The following CAMK2D variants were observed in gnomAD, a reference collection of about 807,000 sequenced individuals.
CAMK2D encodes the protein calcium/calmodulin-dependent protein kinase type II subunit delta.
Under a neutral mutation model 84.0 loss-of-function variants are expected in CAMK2D, and 37 were observed. The observed-to-expected ratio is 0.44, with a 90% CI of 0.34 to 0.58. The LOEUF (loss-of-function observed/expected upper bound fraction) is 0.58, where lower values mean the gene tolerates loss of function less well. Ranked by LOEUF, CAMK2D falls within the 20% of genes least tolerant of loss-of-function variation. The pLI is 0.02. For synonymous variants in CAMK2D, 202 were observed against 212.5 expected (o/e 0.95, Z 0.43); for missense variants, 448 against 652.5 (o/e 0.69, Z 3.41).
intron 16 of CAMK2D, among the ~76,000 whole-genome samples, chr4:113,485,936 T>C (rs2154133171): frequency 6.6e-6 from 1 of 152,330 alleles, no homozygotes; most frequent in Non-Finnish European, 1.5e-5. Context: ...CTCTCGCACC[T>C]TCTTCACCTG....
intron 16 of CAMK2D, among the ~76,000 whole-genome samples, chr4:113,495,066 G>T (rs1221727931): frequency 6.6e-6 from 1 of 152,154 alleles, no homozygotes; most frequent in Non-Finnish European, 1.5e-5. Flanking sequence ...GATGAACCCG[G>T]TACCTCAGAT....
At chr4:113,619,234 T>TAC in intron 3 of CAMK2D, among the ~76,000 whole-genome samples, 1 of 151,628 alleles carries the variant, frequency 6.6e-6, no homozygotes, top group South Asian at 2.1e-4. Context: ...CATACATATA[T>TAC]AGAAAATCTG....
intron 18 of CAMK2D, among the ~76,000 whole-genome samples, chr4:113,459,200 T>C (rs1397883674): frequency 6.6e-6 from 1 of 152,160 alleles, no homozygotes; most frequent in African/African-American, 2.4e-5. Flanking sequence ...TAAAAATTTT[T>C]TCCTCCTATT....
chr4:113,717,856 A>G (rs996316574), intron 2 of CAMK2D, among the ~76,000 whole-genome samples: 2 of 152,142 alleles, frequency 1.3e-5, no homozygotes, highest in Non-Finnish European at 2.9e-5. Context: ...TATAGACCTA[A>G]GAGTATAACC....
intron 3 of CAMK2D, among the ~76,000 whole-genome samples, chr4:113,658,650 A>G (rs1670064383): frequency 6.6e-6 from 1 of 152,164 alleles, no homozygotes; most frequent in Non-Finnish European, 1.5e-5. Context: ...TGCAAGCTCC[A>G]TGAGGGCAGG....
At chr4:113,723,635 T>C (rs1433420004) in intron 2 of CAMK2D, among the ~76,000 whole-genome samples, 1 of 151,656 alleles carries the variant, frequency 6.6e-6, no homozygotes, top group East Asian at 1.9e-4. Flanking sequence ...TTGAAAATTA[T>C]AAGCAATTAA....
At chr4:113,480,338 A>G (rs957990641) in intron 16 of CAMK2D, among the ~76,000 whole-genome samples, 6 of 152,166 alleles carry the variant, frequency 3.9e-5, no homozygotes, top group African/African-American at 1.4e-4. Context: ...TGCATATTCA[A>G]TGGAGAGCTG....
chr4:113,714,723 C>A (rs2099508232), intron 2 of CAMK2D, among the ~76,000 whole-genome samples: 1 of 152,104 alleles, frequency 6.6e-6, no homozygotes, highest in African/African-American at 2.4e-5. Context: ...CTTTGTTCCA[C>A]ATAGTATGTA....
intron 4 of CAMK2D, among the ~76,000 whole-genome samples, chr4:113,576,649 G>T (rs2098784099): frequency 1.3e-5 from 2 of 151,860 alleles, no homozygotes; most frequent in African/African-American, 4.8e-5. Flanking sequence ...AAAATTAATA[G>T]AAAAAACAAA....
At chr4:113,675,770 A>G (rs1210656792) in intron 2 of CAMK2D, among the ~76,000 whole-genome samples, 2 of 152,220 alleles carry the variant, frequency 1.3e-5, no homozygotes, top group Admixed American at 1.3e-4. Flanking sequence ...ATTAAAAATA[A>G]TAACACCTTC....
Position 113,609,169 on chromosome 4 carries a change from G to T in CAMK2D, c.258C>A (p.His86Gln). The T allele has an allele frequency of 6.3e-7, 1 of 1,585,196 alleles. No individual in the cohort carries two copies. Among genetic ancestry groups the T allele is most frequent in the Non-Finnish European group, 8.7e-7 (1 of 1,153,908 alleles). Residue 86 changes from histidine (H) to glutamine (Q), a missense_variant, in exon 4 of 21, where the codon CAC (histidine) becomes CAA (glutamine). Around this residue, in one of 7 missense-constraint regions of CAMK2D, gnomAD observed 46 missense variants for 46.3 expected, o/e 0.99. Coordinates refer to ENST00000511664, the MANE Select transcript of CAMK2D (RefSeq NM_001321571.2). ...ATACTTACAAATCAAACACCAAGTA[G>T]TGAAAGCCCTCTTCTGATATGCTAT... ...LHDSISEEGF[H>Q]YLVFDLVTGG...
chr4:113,457,433 C>T lies in CAMK2D; in HGVS notation c.1437G>A (p.Lys479=), dbSNP rs182748214. 2 of 1,613,878 alleles carry T rather than the reference C, an allele frequency of 1.2e-6. No individual in the cohort carries two copies. Among genetic ancestry groups the T allele is most frequent in the Non-Finnish European group, 1.7e-6 (2 of 1,179,812 alleles). ...CACGAGTCTCTTCTGACTGCATTGTCTTTGGCATTCCACTGCCATCCATGT... is the reference window on the plus strand; with the variant it reads ...CACGAGTCTCTTCTGACTGCATTGTTTTTGGCATTCCACTGCCATCCATGT... ...TQYMDGSGMP[K]TMQSEETRVW... Residue 479 remains lysine (K), a synonymous_variant, in exon 19 of 21, where the codon AAG becomes AAA. Transcript: ENST00000511664.
At chr4:113,690,467 T>C (rs1321810956) in intron 2 of CAMK2D, among the ~76,000 whole-genome samples, 1 of 152,174 alleles carries the variant, frequency 6.6e-6, no homozygotes, top group Non-Finnish European at 1.5e-5. Flanking sequence ...AGCAGATGTG[T>C]TCCTACACTG....
At chr4:113,754,884 T>C in intron 2 of CAMK2D, 2 of 983,470 alleles carry the variant, frequency 2.0e-6, no homozygotes, top group Non-Finnish European at 2.4e-6. Flanking sequence ...AGATTCTATG[T>C]ACAAATATAA....
At chr4:113,472,504 T>C (rs2097558970) in intron 16 of CAMK2D, among the ~76,000 whole-genome samples, 1 of 152,230 alleles carries the variant, frequency 6.6e-6, no homozygotes, top group African/African-American at 2.4e-5. Flanking sequence ...CATTTAATAT[T>C]TCTTTTCAAG....
At chr4:113,585,393 A>G (rs1411477576) in intron 4 of CAMK2D, among the ~76,000 whole-genome samples, 1 of 152,184 alleles carries the variant, frequency 6.6e-6, no homozygotes, top group Non-Finnish European at 1.5e-5. Context: ...GCACGGACAC[A>G]AACATACATA....
chr4:113,519,508 G>C lies in CAMK2D; in HGVS notation c.602-1851C>G, dbSNP rs147389007. Among the ~76,000 whole-genome samples, 536 of 151,144 alleles carry C rather than the reference G, an allele frequency of 3.5e-3. 2 individuals carry two copies. Among genetic ancestry groups the C allele is most frequent in the African/African-American group, 0.012 (499 of 41,376 alleles). On this transcript the variant is annotated intron_variant, in intron 8 of 20. Coordinates refer to ENST00000511664, the MANE Select transcript of CAMK2D (RefSeq NM_001321571.2). ...GTGAAGATTAAAAAAAACACTTTTA[G>C]GCCCAAAGACTTAAAAAAAAAACAT... is the stretch of plus-strand genomic sequence containing the variant.
intron 16 of CAMK2D, among the ~76,000 whole-genome samples, chr4:113,497,742 T>C (rs1237379013): frequency 1.3e-5 from 2 of 152,194 alleles, no homozygotes; most frequent in East Asian, 3.9e-4. Flanking sequence ...ACTGCCTTGG[T>C]ATGGGAGGCA....
At chr4:113,625,604 A>T (rs2099064415) in intron 3 of CAMK2D, among the ~76,000 whole-genome samples, 2 of 152,186 alleles carry the variant, frequency 1.3e-5, no homozygotes, top group Non-Finnish European at 1.5e-5. Flanking sequence ...TTTGAGAAAC[A>T]GTGTGTCTGT....
Sources: allele counts gnomAD v4.1 joint callset (sites outside exome capture counted in the v4.1 genomes callset), GRCh38; gene constraint gnomAD v4.1.1; regional missense constraint gnomAD v4.1.1; transcripts MANE v1.5; gene names NCBI Gene and HGNC (gene_info 2026-07-23, HGNC 2026-07-21).